ZFHX3: variants seen among roughly 807,000 people sequenced by gnomAD.
ZFHX3 encodes zinc finger homeobox protein 3.
A neutral mutation model predicts 279.1 loss-of-function variants in ZFHX3; 42 were observed. The ratio of observed to expected loss-of-function variants is 0.15; its 90% CI spans 0.12 to 0.19. ZFHX3 has a LOEUF of 0.19. Among genes scored for constraint, ZFHX3 ranks in the 10% least tolerant of loss-of-function variants. The pLI is 1.00. For missense variants in ZFHX3, 4,981 were observed against 4,754.0 expected, an observed-to-expected ratio of 1.05 and a Z score of -1.40; for synonymous variants, 2,293 against 1,957.8, an observed-to-expected ratio of 1.17 and a Z score of -4.52.
chr16:73,186,712 T>C lies in ZFHX3; in HGVS notation c.-1103-42881A>G, dbSNP rs141470982. On this transcript the variant is annotated intron_variant, in intron 5 of 17. Transcript: ENST00000641206. ...ATTTAAAAACACCAGCCATTTCTCC[T>C]AACGATAAAGTTGTTACACAAGTTA... Among the ~76,000 whole-genome samples the C allele has an allele frequency of 5.9e-5, 9 of 152,236 alleles. No individual in the cohort carries two copies. The East Asian group carries it at 1.7e-3, about 29-fold the overall frequency.
At chr16:73,490,526 A>T (rs2019041967) in intron 2 of ZFHX3, among the ~76,000 whole-genome samples, 1 of 152,192 alleles carries the variant, frequency 6.6e-6, no homozygotes, top group Non-Finnish European at 1.5e-5. Context: ...ACCCCATTTA[A>T]CAAATCCCTT....
At chr16:73,678,035 A>G (rs2052972243) in intron 2 of ZFHX3, among the ~76,000 whole-genome samples, 1 of 152,174 alleles carries the variant, frequency 6.6e-6, no homozygotes, top group African/African-American at 2.4e-5. Context: ...GGAAAAACAA[A>G]TGCAAAAGTA....
chr16:73,706,311 A>C (rs2053302548), intron 1 of ZFHX3, among the ~76,000 whole-genome samples: 1 of 151,854 alleles, frequency 6.6e-6, no homozygotes, highest in Non-Finnish European at 1.5e-5. Flanking sequence ...AGATACAAAA[A>C]ATTAGCTGGG....
At chr16:73,482,240 C>A (rs368258521) in intron 2 of ZFHX3, among the ~76,000 whole-genome samples, 1 of 152,130 alleles carries the variant, frequency 6.6e-6, no homozygotes, top group Non-Finnish European at 1.5e-5. Flanking sequence ...TCCTTTGGCA[C>A]CCCAGTCCCT....
At chr16:73,318,704 G>A (rs1421142089) in intron 3 of ZFHX3, among the ~76,000 whole-genome samples, 2 of 152,146 alleles carry the variant, frequency 1.3e-5, no homozygotes, top group African/African-American at 4.8e-5. Context: ...CGTAATCACT[G>A]TCCTGTGCTG....
chr16:73,604,743 A>G (rs1289794310), intron 2 of ZFHX3, among the ~76,000 whole-genome samples: 4 of 14,024 alleles, frequency 2.9e-4, no homozygotes, highest in African/African-American at 3.9e-4. Context: ...AGACTCCGTG[A>G]AAAAAAAAAA....
At chr16:73,013,952 G>A (rs1964006332) in intron 1 of ZFHX3, among the ~76,000 whole-genome samples, 1 of 152,170 alleles carries the variant, frequency 6.6e-6, no homozygotes, top group African/African-American at 2.4e-5. Context: ...TACAGCAAAG[G>A]AAACTTTGCA....
intron 2 of ZFHX3, among the ~76,000 whole-genome samples, chr16:73,656,502 G>T (rs1287271278): frequency 6.6e-6 from 1 of 152,202 alleles, no homozygotes; most frequent in Admixed American, 6.5e-5. Context: ...AAGGGGTTGG[G>T]ATGGGAGAAG....
intron 7 of ZFHX3, chr16:73,127,431 C>T: frequency 7.7e-7 from 1 of 1,305,438 alleles, no homozygotes; most frequent in South Asian, 1.2e-5. Context: ...GCTGGAGCAT[C>T]TCTGTTCCGG....
intron 2 of ZFHX3, among the ~76,000 whole-genome samples, chr16:73,632,814 C>T (rs548434743): frequency 1.3e-5 from 2 of 152,122 alleles, no homozygotes; most frequent in Admixed American, 6.5e-5. Context: ...CGGTGGCTTA[C>T]GCCTGTAATC....
intron 7 of ZFHX3, among the ~76,000 whole-genome samples, chr16:73,129,684 GTGCGCGCA>G (rs1266201127): frequency 1.7e-4 from 24 of 141,470 alleles, no homozygotes; most frequent in African/African-American, 4.7e-4. Flanking sequence ...GTGTGCATGT[GTGCGCGCA>G]TGTGCATGTG....
chr16:73,276,656 A>G (rs548908536), intron 4 of ZFHX3, among the ~76,000 whole-genome samples: 1 of 152,334 alleles, frequency 6.6e-6, no homozygotes, highest in Admixed American at 6.5e-5. Context: ...TTTCCTATAT[A>G]GAGTGAAATG....
At chr16:73,551,247 G>C (rs1238555124) in intron 2 of ZFHX3, among the ~76,000 whole-genome samples, 1 of 151,908 alleles carries the variant, frequency 6.6e-6, no homozygotes, top group Non-Finnish European at 1.5e-5. Context: ...AATGCGAGGG[G>C]GTTTTCAAGT....
intron 1 of ZFHX3, among the ~76,000 whole-genome samples, chr16:73,889,544 T>C (rs2030459475): frequency 6.6e-6 from 1 of 152,182 alleles, no homozygotes; most frequent in Non-Finnish European, 1.5e-5. Flanking sequence ...GGAAGTTGCA[T>C]CTTAGGAAAA....
intron 5 of ZFHX3, among the ~76,000 whole-genome samples, chr16:73,174,345 A>G (rs1386714130): frequency 6.6e-6 from 1 of 152,210 alleles, no homozygotes; most frequent in Non-Finnish European, 1.5e-5. Flanking sequence ...CGCAACATGC[A>G]GGCAACGGGC....
chr16:73,484,391 G>T (rs2143633902), intron 2 of ZFHX3, among the ~76,000 whole-genome samples: 1 of 152,204 alleles, frequency 6.6e-6, no homozygotes, highest in South Asian at 2.1e-4. Flanking sequence ...ATTAAGCCCC[G>T]AACTCATGCC....
intron 7 of ZFHX3, among the ~76,000 whole-genome samples, chr16:73,109,042 A>G (rs1479476635): frequency 6.6e-6 from 1 of 152,220 alleles, no homozygotes; most frequent in Non-Finnish European, 1.5e-5. Context: ...TTCCAGCACA[A>G]GGCTCTTCAG....
At chr16:72,908,247 G>C (rs1251931220) in intron 3 of ZFHX3, among the ~76,000 whole-genome samples, 1 of 152,212 alleles carries the variant, frequency 6.6e-6, no homozygotes, top group Non-Finnish European at 1.5e-5. Flanking sequence ...GAGAACATGG[G>C]AATGGGAGTG....
At chr16:73,792,194 G>C (rs1959844830) in intron 1 of ZFHX3, among the ~76,000 whole-genome samples, 1 of 152,200 alleles carries the variant, frequency 6.6e-6, no homozygotes, top group Admixed American at 6.5e-5. Flanking sequence ...CATTTTTATA[G>C]TCATACAGTA....
Sources: allele counts gnomAD v4.1 joint callset (sites outside exome capture counted in the v4.1 genomes callset), GRCh38; gene constraint gnomAD v4.1.1; transcripts MANE v1.5; gene names NCBI Gene and HGNC (gene_info 2026-07-23, HGNC 2026-07-21).